CD1B: variants seen among roughly 807,000 people sequenced by gnomAD.
CD1B encodes CD1b molecule, also known as T-cell surface glycoprotein CD1b.
In CD1B, 43 loss-of-function variants were observed where a neutral mutation model predicts 39.8. That is an observed-to-expected ratio of 1.08 (90% CI 0.85 to 1.39). The LOEUF is 1.39. Ranked by LOEUF, CD1B falls within the 40% of genes most tolerant of loss-of-function variation. CD1B has a pLI of 0.00. For synonymous variants in CD1B, 192 were observed against 152.5 expected (o/e 1.26, Z -1.91); for missense variants, 495 against 403.8 (o/e 1.23, Z -1.94).
the CD1B span, among the ~76,000 whole-genome samples, chr1:158,317,661 C>A: frequency 6.6e-6 from 1 of 152,012 alleles, no homozygotes; most frequent in Non-Finnish European, 1.5e-5. Context: ...TCTCTATTTC[C>A]TTCAGTTCTG....
In CD1B at chr1:158,331,416, A is replaced by G. The variant is rs776888419; in HGVS notation, c.8T>C (p.Leu3Pro). The G allele has an allele frequency of 1.9e-6, 3 of 1,613,834 alleles. No individual in the cohort carries two copies. The East Asian group carries it at 6.7e-5, about 36-fold the overall frequency. The change falls in exon 1 of 6, where the codon CTG becomes CCG. Residue 3 changes from leucine to proline, a missense_variant. By Grantham distance (98) the Leu-to-Pro change is moderately conservative (BLOSUM62 -3). Coordinates refer to ENST00000368168, the MANE Select transcript of CD1B (RefSeq NM_001764.3). MLLLPFQLLAVLF... is the reference protein window; with the variant it reads MLPLPFQLLAVLF... ...AACAGCTAACAGTTGAAATGGCAGC[A>G]GCAGCATTTCACTGGGAGATGCAAC...
rs62642468 is a variant in CD1B, at chr1:158,330,814, C to T, written c.310G>A (p.Gly104Ser). 20,210 of 1,614,004 alleles carry T rather than the reference C, an allele frequency of 0.013. 160 individuals carry two copies. The highest frequency in any genetic ancestry group is 0.015 in the Non-Finnish European group (17,319 of 1,179,908). Reference sequence around the variant, plus strand: ...GACTCACATTTCATCTGGAAATCACCGGCAAAGTCTTGTACTTCTCGAGCG... The same window carrying T: ...GACTCACATTTCATCTGGAAATCACTGGCAAAGTCTTGTACTTCTCGAGCG... ...GFAREVQDFA[G>S]DFQMKYPFEI... is the part of the protein sequence containing the mutation. The change falls in exon 2 of 6, where the codon GGT (glycine) becomes AGT (serine). Residue 104 changes from glycine (G) to serine (S), a missense_variant. By Grantham distance (56) the Gly-to-Ser change is moderately conservative. Transcript: ENST00000368168.
the CD1B span, among the ~76,000 whole-genome samples, chr1:158,309,936 C>G: frequency 6.6e-6 from 1 of 151,626 alleles, no homozygotes; most frequent in Non-Finnish European, 1.5e-5. Context: ...ACATATGTAA[C>G]TAACCTGCAC....
chr1:158,296,413 G>A, the CD1B span, among the ~76,000 whole-genome samples: 1 of 152,118 alleles, frequency 6.6e-6, no homozygotes, highest in Non-Finnish European at 1.5e-5. Flanking sequence ...AAAGCCTCAA[G>A]GGCATCAAAG....
At chr1:158,316,125 T>G in the CD1B span, among the ~76,000 whole-genome samples, 2 of 152,002 alleles carry the variant, frequency 1.3e-5, no homozygotes, top group Non-Finnish European at 2.9e-5. Flanking sequence ...GGCTTACGAT[T>G]GACTTGGCAA....
chr1:158,289,585 G>T, the CD1B span, among the ~76,000 whole-genome samples: 1 of 152,192 alleles, frequency 6.6e-6, no homozygotes, highest in South Asian at 2.1e-4. Flanking sequence ...AAGGGGGAAA[G>T]AAAGAATGGA....
At chr1:158,327,555 CAGAT>C (rs1265561679), downstream of CD1B, among the ~76,000 whole-genome samples, 2 of 152,130 alleles carry the variant, frequency 1.3e-5, no homozygotes, top group African/African-American at 4.8e-5. Context: ...TACAGCAACT[CAGAT>C]AGTTTTTACT....
At chr1:158,290,639 G>A in the CD1B span, among the ~76,000 whole-genome samples, 3 of 152,160 alleles carry the variant, frequency 2.0e-5, no homozygotes, top group South Asian at 6.2e-4. Context: ...TGTCTTAGTT[G>A]CTGTCAGTGG....
downstream of CD1B, among the ~76,000 whole-genome samples, chr1:158,324,436 C>T (rs932287408): frequency 3.3e-5 from 5 of 152,156 alleles, no homozygotes; most frequent in Admixed American, 6.5e-5. Context: ...ATTCCACCAT[C>T]TTTCTGACAT....
At chr1:158,304,056 C>A in the CD1B span, among the ~76,000 whole-genome samples, 2 of 152,024 alleles carry the variant, frequency 1.3e-5, no homozygotes, top group Non-Finnish European at 2.9e-5. Flanking sequence ...AACTGAGGTA[C>A]CCGGCTCATC....
the CD1B span, among the ~76,000 whole-genome samples, chr1:158,318,575 T>C: frequency 4.6e-5 from 7 of 152,164 alleles, no homozygotes; most frequent in Non-Finnish European, 1.5e-5. Context: ...GTGAGATGGG[T>C]TTCCTGAATA....
the CD1B span, among the ~76,000 whole-genome samples, chr1:158,285,567 CAAAG>C: frequency 6.6e-6 from 1 of 152,082 alleles, no homozygotes; most frequent in African/African-American, 2.4e-5. Flanking sequence ...AACATTAAGA[CAAAG>C]AAGCCCAGAA....
the CD1B span, among the ~76,000 whole-genome samples, chr1:158,322,773 T>G: frequency 1.3e-5 from 2 of 152,160 alleles, no homozygotes; most frequent in South Asian, 4.1e-4. Context: ...GCCAGTTACT[T>G]TATTCTTGGT....
the CD1B span, among the ~76,000 whole-genome samples, chr1:158,287,983 A>G: frequency 1.1e-3 from 174 of 152,350 alleles, no homozygotes; most frequent in African/African-American, 4.0e-3. Flanking sequence ...TCCATTGCCC[A>G]GAACTCAGTC....
downstream of CD1B, among the ~76,000 whole-genome samples, chr1:158,324,780 C>G (rs879638284): frequency 2.6e-5 from 4 of 151,984 alleles, no homozygotes; most frequent in Non-Finnish European, 5.9e-5. Context: ...TAGTGTAGGG[C>G]AAGAAGTTTC....
chr1:158,294,820 C>T, the CD1B span, among the ~76,000 whole-genome samples: 4 of 152,140 alleles, frequency 2.6e-5, no homozygotes, highest in Admixed American at 6.5e-5. Flanking sequence ...GTAAGTAATC[C>T]ATGCTGCTCA....
downstream of CD1B, among the ~76,000 whole-genome samples, chr1:158,325,087 GATTCCATCA>G (rs554134901): frequency 2.1e-3 from 315 of 152,056 alleles, 1 homozygote; most frequent in Non-Finnish European, 3.4e-3. Context: ...TTATTACCTT[GATTCCATCA>G]AGGTAATAAG....
intron 3 of CD1B, 43 bp from the exon 4 acceptor site, chr1:158,329,691 A>G (rs1354811873): frequency 6.3e-7 from 1 of 1,599,358 alleles, no homozygotes; most frequent in African/African-American, 1.3e-5. Flanking sequence ...TTATAACTCG[A>G]GTTCAGAGGT....
the CD1B span, among the ~76,000 whole-genome samples, chr1:158,303,951 T>A: frequency 6.6e-6 from 1 of 150,952 alleles, no homozygotes; most frequent in African/African-American, 2.4e-5. Flanking sequence ...CAAAAAAGAG[T>A]CTGGGGGGTG....
Sources: gnomAD v4.1 joint callset for allele counts (sites outside exome capture counted in the v4.1 genomes callset) on GRCh38, gnomAD v4.1.1 for gene constraint, MANE v1.5 for transcripts, NCBI Gene and HGNC (gene_info 2026-07-23, HGNC 2026-07-21) for gene names.